The following TRDN variants were observed in gnomAD, a reference collection of about 807,000 sequenced individuals.
TRDN encodes the protein triadin, also known as triadin in skeletal muscle.
In TRDN, 161 loss-of-function variants were observed where a neutral mutation model predicts 149.7. That is an observed-to-expected ratio of 1.08 (90% CI 0.95 to 1.23). The LOEUF is 1.23. TRDN is among the 50% of genes most tolerant of loss of function. The pLI, the probability that TRDN is intolerant of heterozygous loss-of-function variation, is 0.00. For missense variants in TRDN, 896 were observed against 823.5 expected, an observed-to-expected ratio of 1.09 and a Z score of -1.08; for synonymous variants, 294 against 250.5, an observed-to-expected ratio of 1.17 and a Z score of -1.64.
chr6:123,221,525 A>G lies in TRDN; in HGVS notation c.2015-3T>C, dbSNP rs1428810454. 2.6e-6 allele frequency: 4 copies of G among 1,561,238 alleles called. No homozygotes were observed. Among genetic ancestry groups the G allele is most frequent in the Non-Finnish European group, 3.5e-6 (4 of 1,140,140 alleles). ...GGGAGACACATCTTCAGTTCCTTCT[A>G]GTGGATAAAAAATATAAAAGTAAAT... On this transcript the variant is annotated splice_region_variant and splice_polypyrimidine_tract_variant and intron_variant, in intron 39 of 40. Transcript: ENST00000334268.
At chr6:123,406,393 T>C (rs1163769467) in intron 12 of TRDN, among the ~76,000 whole-genome samples, 1 of 152,196 alleles carries the variant, frequency 6.6e-6, no homozygotes, top group Non-Finnish European at 1.5e-5. Context: ...CTTTGTAAGA[T>C]AGGCCACTAG....
intron 12 of TRDN, chr6:123,421,722 A>G (rs1208063824): frequency 6.6e-6 from 1 of 150,942 alleles, no homozygotes; most frequent in Non-Finnish European, 1.5e-5. Flanking sequence ...TAATCCTAGA[A>G]CTTTGGAAGG....
At chr6:123,239,303 C>A (rs1775902588) in intron 38 of TRDN, among the ~76,000 whole-genome samples, 1 of 152,080 alleles carries the variant, frequency 6.6e-6, no homozygotes, top group African/African-American at 2.4e-5. Context: ...CTGATAATTT[C>A]TCATCATAGG....
At chr6:123,271,094 A>G (rs1361618910) in intron 30 of TRDN, 45 bp downstream of exon 30, 1 of 1,268,742 alleles carries the variant, frequency 7.9e-7, no homozygotes, top group Non-Finnish European at 1.1e-6. Context: ...TGCACCACAT[A>G]ACATATAATG....
intron 10 of TRDN, among the ~76,000 whole-genome samples, chr6:123,448,247 C>T (rs888725904): frequency 5.9e-5 from 9 of 152,086 alleles, no homozygotes; most frequent in African/African-American, 1.9e-4. Flanking sequence ...GCCAGAACTC[C>T]GGGGAGGGTG....
intron 4 of TRDN, among the ~76,000 whole-genome samples, chr6:123,546,726 C>T (rs535179556): frequency 2.6e-5 from 4 of 152,092 alleles, no homozygotes; most frequent in African/African-American, 4.8e-5. Context: ...CTAGGTTTAT[C>T]GTTCTTATCA....
chr6:123,625,628 T>C (rs746163419), intron 1 of TRDN, among the ~76,000 whole-genome samples: 3 of 152,136 alleles, frequency 2.0e-5, no homozygotes, highest in South Asian at 2.1e-4. Context: ...AAAGAAAGGA[T>C]AAATGCTTGA....
At chr6:123,465,121 A>T in intron 9 of TRDN, 138 bp from the exon 10 acceptor site, 1 of 969,778 alleles carries the variant, frequency 1.0e-6, no homozygotes, top group Non-Finnish European at 1.4e-6. Flanking sequence ...TTATGCAAAA[A>T]AGAAAGCTAT....
intron 40 of TRDN, among the ~76,000 whole-genome samples, chr6:123,220,436 G>T (rs1042970655): frequency 1.3e-5 from 2 of 151,742 alleles, no homozygotes; most frequent in African/African-American, 2.4e-5. Flanking sequence ...TTGGGAAAGC[G>T]TTGCTATATA....
chr6:123,438,111 T>G lies in TRDN; in HGVS notation c.1003A>C (p.Ile335Leu), dbSNP rs779688778. 1 of 1,585,340 alleles carries G rather than the reference T, an allele frequency of 6.3e-7. No individual in the cohort carries two copies. The highest frequency in any genetic ancestry group is 2.2e-5 in the East Asian group (1 of 44,486). The change falls in exon 12 of 41, where the codon ATC becomes CTC. Residue 335 changes from isoleucine to leucine, a missense_variant. Ile to Leu is a conservative substitution (Grantham distance 5). Coordinates refer to ENST00000334268, the MANE Select transcript of TRDN (RefSeq NM_006073.4). ...SETKKKEKEDIKKKSEKETAI... is the reference protein window; with the variant it reads ...SETKKKEKEDLKKKSEKETAI... ...GTTTCCTTCTCACTTTTCTTTTTGA[T>G]ATCTTCTTTTTCTGCTGGTAAAATA...
intron 20 of TRDN, among the ~76,000 whole-genome samples, chr6:123,352,898 A>T (rs1229873820): frequency 1.3e-5 from 2 of 151,918 alleles, no homozygotes; most frequent in African/African-American, 4.8e-5. Flanking sequence ...ATCTACTTGC[A>T]TTCCAGGTTA....
At chr6:123,316,196 C>T (rs767872241) in intron 24 of TRDN, among the ~76,000 whole-genome samples, 9 of 151,816 alleles carry the variant, frequency 5.9e-5, no homozygotes, top group Non-Finnish European at 1.3e-4. Flanking sequence ...CAAAGAGCAG[C>T]GTATGTGCTA....
chr6:123,257,229 C>G (rs1226588571), intron 35 of TRDN, among the ~76,000 whole-genome samples: 1 of 152,050 alleles, frequency 6.6e-6, no homozygotes, highest in Non-Finnish European at 1.5e-5. Context: ...CCGCCCACAT[C>G]AGCCTCCCAA....
intron 5 of TRDN, among the ~76,000 whole-genome samples, chr6:123,530,239 A>C (rs1432300810): frequency 1.3e-5 from 2 of 151,898 alleles, no homozygotes; most frequent in African/African-American, 2.4e-5. Flanking sequence ...TATTTGAGCT[A>C]CTCTCTTAGT....
chr6:123,374,572 C>CT (rs998953795), intron 19 of TRDN, among the ~76,000 whole-genome samples: 9 of 152,048 alleles, frequency 5.9e-5, no homozygotes, highest in African/African-American at 1.9e-4. Flanking sequence ...CAAACTGTAA[C>CT]TTTTTTTAAA....
intron 24 of TRDN, among the ~76,000 whole-genome samples, chr6:123,293,893 A>G (rs1161976349): frequency 1.3e-5 from 2 of 151,918 alleles, no homozygotes; most frequent in East Asian, 3.9e-4. Flanking sequence ...ACCCACGAAT[A>G]CCAGAAGTAA....
intron 9 of TRDN, among the ~76,000 whole-genome samples, chr6:123,494,991 C>T (rs2114806709): frequency 6.6e-6 from 1 of 152,088 alleles, no homozygotes; most frequent in South Asian, 2.1e-4. Flanking sequence ...GCCTCAGCCT[C>T]CCAAAATGCT....
At chr6:123,321,995 A>G (rs900403633) in intron 23 of TRDN, among the ~76,000 whole-genome samples, 2 of 152,184 alleles carry the variant, frequency 1.3e-5, no homozygotes, top group Non-Finnish European at 2.9e-5. Flanking sequence ...ATCTGCTACT[A>G]CATAGCTTTT....
At chr6:123,507,453 A>G (rs1447185972) in intron 7 of TRDN, among the ~76,000 whole-genome samples, 1 of 152,126 alleles carries the variant, frequency 6.6e-6, no homozygotes, top group Non-Finnish European at 1.5e-5. Flanking sequence ...CTTCAATCAC[A>G]TTCACTCTGG....
Sources: allele counts gnomAD v4.1 joint callset (sites outside exome capture counted in the v4.1 genomes callset), GRCh38; gene constraint gnomAD v4.1.1; transcripts MANE v1.5; gene names NCBI Gene and HGNC (gene_info 2026-07-23, HGNC 2026-07-21).